Variants in FCHSD2 observed in about 807,000 individuals in gnomAD.
The protein encoded by FCHSD2 is F-BAR and double SH3 domains protein 2.
Under a neutral mutation model 108.1 loss-of-function variants are expected in FCHSD2, and 38 were observed. That is an observed-to-expected ratio of 0.35 (90% CI 0.27 to 0.46). FCHSD2 has a LOEUF of 0.46. Among genes scored for constraint, FCHSD2 ranks in the 20% least tolerant of loss-of-function variants. The pLI, the probability that FCHSD2 is intolerant of heterozygous loss-of-function variation, is 1.00. For synonymous variants in FCHSD2, 279 were observed against 314.7 expected, an observed-to-expected ratio of 0.89 and a Z score of 1.20; for missense variants, 751 against 897.8, an observed-to-expected ratio of 0.84 and a Z score of 2.09.
intron 2 of FCHSD2, among the ~76,000 whole-genome samples, chr11:73,087,754 T>C (rs1238941189): frequency 1.3e-5 from 2 of 151,968 alleles, no homozygotes; most frequent in African/African-American, 2.4e-5. Flanking sequence ...CCTAAGTGTA[T>C]AGTGTAATAA....
intron 8 of FCHSD2, among the ~76,000 whole-genome samples, chr11:72,972,304 A>G (rs1035358488): frequency 1.3e-5 from 2 of 152,116 alleles, no homozygotes; most frequent in Non-Finnish European, 2.9e-5. Flanking sequence ...ACCTCAAAAA[A>G]CTCTAAAATT....
intron 3 of FCHSD2, among the ~76,000 whole-genome samples, chr11:73,063,627 A>G (rs776100894): frequency 2.0e-5 from 3 of 152,164 alleles, no homozygotes; most frequent in Non-Finnish European, 4.4e-5. Context: ...AAAAAAAAGC[A>G]GGAGTTGCAA....
At chr11:73,134,025 G>T (rs1330964589) in intron 2 of FCHSD2, among the ~76,000 whole-genome samples, 1 of 151,418 alleles carries the variant, frequency 6.6e-6, no homozygotes, top group East Asian at 1.9e-4. Context: ...CTTTAAATGG[G>T]ATACGTAATC....
intron 12 of FCHSD2, among the ~76,000 whole-genome samples, chr11:72,868,516 C>T (rs1039873319): frequency 1.3e-5 from 2 of 151,852 alleles, no homozygotes; most frequent in Admixed American, 6.6e-5. Flanking sequence ...CACACGTATC[C>T]GGGAACTTAA....
At chr11:73,133,749 C>T (rs949331893) in intron 2 of FCHSD2, among the ~76,000 whole-genome samples, 95 of 147,650 alleles carry the variant, frequency 6.4e-4, no homozygotes, top group African/African-American at 2.0e-3. Flanking sequence ...GCCGGCATCG[C>T]GCCACTGCAC....
intron 8 of FCHSD2, among the ~76,000 whole-genome samples, chr11:72,966,953 C>A (rs1004153600): frequency 6.6e-6 from 1 of 152,070 alleles, no homozygotes; most frequent in East Asian, 1.9e-4. Flanking sequence ...AATCCCAGCA[C>A]TTTGGGAGGC....
At chr11:73,132,640 T>C (rs1326914770) in intron 2 of FCHSD2, among the ~76,000 whole-genome samples, 2 of 152,018 alleles carry the variant, frequency 1.3e-5, no homozygotes, top group Non-Finnish European at 2.9e-5. Flanking sequence ...CTGGACAACA[T>C]GGCAAAACCC....
At chr11:72,900,126 C>A in intron 10 of FCHSD2, 2 of 544,094 alleles carry the variant, frequency 3.7e-6, no homozygotes, top group Non-Finnish European at 6.4e-6. Flanking sequence ...TAAGAGAAAA[C>A]ACAGCTGGTG....
intron 8 of FCHSD2, among the ~76,000 whole-genome samples, chr11:72,960,716 T>C (rs1856804350): frequency 6.6e-6 from 1 of 152,152 alleles, no homozygotes; most frequent in Admixed American, 6.5e-5. Context: ...TCTCTCTGCT[T>C]TGATAATGTT....
At chr11:72,900,220 T>TACCCAAACACCCCC in intron 10 of FCHSD2, 1 of 886,388 alleles carries the variant, frequency 1.1e-6, no homozygotes. Flanking sequence ...AACCCACACT[T>TACCCAAACACCCCC]CCCATCCCTC....
chr11:73,131,942 G>A (rs998277634), intron 2 of FCHSD2, among the ~76,000 whole-genome samples: 1 of 152,018 alleles, frequency 6.6e-6, no homozygotes, highest in African/African-American at 2.4e-5. Context: ...ATTCAGAGTC[G>A]AACTCTTCTC....
chr11:73,028,199 AT>A (rs2135447861), intron 3 of FCHSD2, among the ~76,000 whole-genome samples: 2 of 152,252 alleles, frequency 1.3e-5, no homozygotes, highest in African/African-American at 4.8e-5. Context: ...CAGGCACTCA[AT>A]GGCAGCCTGT....
chr11:72,953,608 A>C (rs550041814), intron 8 of FCHSD2, among the ~76,000 whole-genome samples: 1 of 134,712 alleles, frequency 7.4e-6, no homozygotes, highest in East Asian at 2.2e-4. Context: ...TATTCCAGGT[A>C]CTGGAGACAC....
At chr11:73,074,279 C>T (rs1175308192) in intron 3 of FCHSD2, among the ~76,000 whole-genome samples, 1 of 152,076 alleles carries the variant, frequency 6.6e-6, no homozygotes, top group East Asian at 1.9e-4. Flanking sequence ...TGAGGAAGCA[C>T]AAAATATGCT....
chr11:73,115,626 C>G (rs763836983), intron 2 of FCHSD2, among the ~76,000 whole-genome samples: 1 of 152,196 alleles, frequency 6.6e-6, no homozygotes, highest in African/African-American at 2.4e-5. Flanking sequence ...TAGCTAGACA[C>G]AGACAGACAT....
chr11:73,048,299 T>C (rs997185274), intron 3 of FCHSD2, among the ~76,000 whole-genome samples: 4 of 152,168 alleles, frequency 2.6e-5, no homozygotes, highest in Non-Finnish European at 4.4e-5. Context: ...GACCCAAAAG[T>C]TACCTCTGAT....
intron 18 of FCHSD2, 148 bp downstream of exon 18, chr11:72,841,306 G>T: frequency 1.2e-6 from 1 of 808,464 alleles, no homozygotes; most frequent in Non-Finnish European, 1.9e-6. Context: ...ACTCCAGCCT[G>T]GGTGTCCAGC....
At chr11:72,972,054 A>G (rs529600275) in intron 8 of FCHSD2, among the ~76,000 whole-genome samples, 6 of 152,300 alleles carry the variant, frequency 3.9e-5, no homozygotes, top group African/African-American at 1.4e-4. Flanking sequence ...CCTCAATAAA[A>G]TTGATTTAAA....
chr11:72,955,667 C>T (rs1173965650), intron 8 of FCHSD2, among the ~76,000 whole-genome samples: 2 of 152,076 alleles, frequency 1.3e-5, no homozygotes, highest in Non-Finnish European at 2.9e-5. Flanking sequence ...CAGGAAACTC[C>T]AAGGGATTTA....
Sources: allele counts gnomAD v4.1 joint callset (sites outside exome capture counted in the v4.1 genomes callset), GRCh38; gene constraint gnomAD v4.1.1; transcripts MANE v1.5; gene names NCBI Gene and HGNC (gene_info 2026-07-23, HGNC 2026-07-21).